PAPOLA: variants seen among roughly 807,000 people sequenced by gnomAD.
PAPOLA encodes the protein polynucleotide adenylyltransferase alpha.
A neutral mutation model predicts 100.6 loss-of-function variants in PAPOLA; 15 were observed. The observed-to-expected ratio is 0.15, with a 90% CI of 0.10 to 0.23. PAPOLA has a LOEUF of 0.23. Among genes scored for constraint, PAPOLA ranks in the 10% least tolerant of loss-of-function variants. The pLI is 1.00. For synonymous variants in PAPOLA, 293 were observed against 300.0 expected (o/e 0.98, Z 0.24); for missense variants, 533 against 884.2 (o/e 0.60, Z 5.04).
At chr14:96,504,986 AATTTAGGATATTAC>A (rs1896611411) in intron 1 of PAPOLA, among the ~76,000 whole-genome samples, 1 of 152,108 alleles carries the variant, frequency 6.6e-6, no homozygotes, top group African/African-American at 2.4e-5. Flanking sequence ...AAATTATCGA[AATTTAGGATATTAC>A]AGAACATTTT....
chr14:96,540,316 TTG>T (rs1899876368), intron 12 of PAPOLA, among the ~76,000 whole-genome samples: 1 of 152,178 alleles, frequency 6.6e-6, no homozygotes, highest in Non-Finnish European at 1.5e-5. Flanking sequence ...CCAGACAGCT[TTG>T]TGTTTTTGTG....
rs188029262 is a variant in PAPOLA, at chr14:96,565,936, G to A, written c.*886G>A. 4.9e-4 allele frequency: 197 copies of A among 398,420 alleles called. 3 individuals are homozygous for A. Among genetic ancestry groups the A allele is most frequent in the African/African-American group, 4.1e-5 (2 of 48,704 alleles). The allele number at this position is 398,420 out of a possible 1,614,324, so 24.7% of individuals were successfully genotyped here. A position where few individuals can be genotyped will look rare whatever the true frequency, so the allele number is the denominator to read the frequency against. The stretch of plus-strand genomic sequence containing the variant: ...TTACTTCGTAAGAAACAAAATGCCA[G>A]TATTTTCTTAAGCCATGATGTGAAA... On this transcript the variant is annotated 3_prime_UTR_variant, in exon 22 of 22. Coordinates refer to ENST00000216277, the MANE Select transcript of PAPOLA (RefSeq NM_032632.5).
At chr14:96,535,813 G>A in intron 10 of PAPOLA, 66 bp from the exon 11 acceptor site, 2 of 1,325,078 alleles carry the variant, frequency 1.5e-6, no homozygotes, top group Non-Finnish European at 2.0e-6. Flanking sequence ...TTTAACAAGG[G>A]GTAAAAAGCC....
intron 11 of PAPOLA, among the ~76,000 whole-genome samples, chr14:96,536,439 A>G (rs1899535018): frequency 6.6e-6 from 1 of 152,116 alleles, no homozygotes; most frequent in Non-Finnish European, 1.5e-5. Context: ...TTGAAGGTAT[A>G]GCTACTACCA....
chr14:96,503,585 G>C (rs892777710), intron 1 of PAPOLA, among the ~76,000 whole-genome samples: 1 of 151,398 alleles, frequency 6.6e-6, no homozygotes, highest in Non-Finnish European at 1.5e-5. Context: ...TTCCATTTTT[G>C]AATATTGAAG....
At chr14:96,533,254 T>C in intron 9 of PAPOLA, 7 of 984,478 alleles carry the variant, frequency 7.1e-6, no homozygotes, top group Non-Finnish European at 8.4e-6. Flanking sequence ...ACTGCCATTT[T>C]ATATTAATTG....
intron 1 of PAPOLA, among the ~76,000 whole-genome samples, chr14:96,508,679 T>C (rs1209333931): frequency 1.3e-5 from 2 of 152,222 alleles, no homozygotes; most frequent in Non-Finnish European, 2.9e-5. Context: ...TTTATAAAGC[T>C]AGCTTCTTTC....
chr14:96,542,710 A>C, intron 13 of PAPOLA, 64 bp from the exon 14 acceptor site: 1 of 1,478,168 alleles, frequency 6.8e-7, no homozygotes, highest in South Asian at 1.3e-5. Context: ...TGGTATGTGC[A>C]TTTTATTTAT....
In PAPOLA at chr14:96,527,998, G is replaced by C. The variant is rs201289414; in HGVS notation, c.487G>C (p.Gly163Arg). 1.3e-6 allele frequency: 2 copies of C among 1,598,484 alleles called. No homozygotes were observed. Among genetic ancestry groups the C allele is most frequent in the Non-Finnish European group, 1.7e-6 (2 of 1,166,134 alleles). ...FVPVIKLCFD[G>R]IEIDILFARL... ...ACCAGTTATTAAACTCTGTTTTGAT[G>C]GGATAGAGGTAAGGTATAGTTCAAA... Residue 163 changes from glycine (G) to arginine (R), a missense_variant, in exon 6 of 22, where the codon GGG (glycine) becomes CGG (arginine). Transcript: ENST00000216277.
intron 9 of PAPOLA, chr14:96,533,546 C>CA: frequency 4.7e-6 from 3 of 638,906 alleles, no homozygotes; most frequent in Non-Finnish European, 5.5e-6. Context: ...GTCAGAATTT[C>CA]TTTTTTTTTT....
intron 17 of PAPOLA, among the ~76,000 whole-genome samples, chr14:96,553,879 G>A (rs952579310): frequency 2.0e-4 from 30 of 152,196 alleles, no homozygotes; most frequent in African/African-American, 7.2e-4. Context: ...GTGTGAAATA[G>A]AAAATGCTGA....
chr14:96,531,428 T>G (rs780222437), intron 6 of PAPOLA, 47 bp from the exon 7 acceptor site: 1 of 1,426,488 alleles, frequency 7.0e-7, no homozygotes, highest in East Asian at 2.4e-5. Context: ...AGAAATGCCT[T>G]AAAAGTAGTT....
At chr14:96,525,966 A>G (rs570620591) in intron 4 of PAPOLA, 1 of 152,306 alleles carries the variant, frequency 6.6e-6, no homozygotes, top group Non-Finnish European at 1.5e-5. Flanking sequence ...AATAGAACAA[A>G]AATGAATTCT....
At chr14:96,548,339 T>C (rs909311926) in intron 16 of PAPOLA, among the ~76,000 whole-genome samples, 14 of 152,010 alleles carry the variant, frequency 9.2e-5, no homozygotes, top group African/African-American at 3.1e-4. Context: ...ATGTAAAAAA[T>C]ATAACGTATA....
chr14:96,523,135 AT>A (rs11305213), intron 3 of PAPOLA, among the ~76,000 whole-genome samples: 16,895 of 150,652 alleles, frequency 0.11, 1,014 homozygotes, highest in South Asian at 0.16. Context: ...AGAAAATAAG[AT>A]TTTTTTTTTG....
chr14:96,539,665 A>G (rs927611758), intron 12 of PAPOLA, among the ~76,000 whole-genome samples: 1 of 152,192 alleles, frequency 6.6e-6, no homozygotes, highest in Non-Finnish European at 1.5e-5. Flanking sequence ...GCACTTGCGC[A>G]TCATAAACAT....
chr14:96,525,220 C>G, intron 3 of PAPOLA, 90 bp from the exon 4 acceptor site: 1 of 678,236 alleles, frequency 1.5e-6, no homozygotes, highest in Non-Finnish European at 2.6e-6. Flanking sequence ...TGTAATCTTT[C>G]TTGGATCCAC....
intron 1 of PAPOLA, among the ~76,000 whole-genome samples, chr14:96,509,085 G>A (rs1041873062): frequency 2.6e-5 from 4 of 152,128 alleles, no homozygotes; most frequent in African/African-American, 7.2e-5. Flanking sequence ...AGGCTGGAAT[G>A]CAGTGGTGTG....
intron 16 of PAPOLA, among the ~76,000 whole-genome samples, chr14:96,549,738 T>C (rs1396539522): frequency 6.6e-6 from 1 of 152,220 alleles, no homozygotes; most frequent in Non-Finnish European, 1.5e-5. Context: ...GAGCTTAGCC[T>C]CAGGAAAACA....
Sources: allele counts gnomAD v4.1 joint callset (sites outside exome capture counted in the v4.1 genomes callset), GRCh38; gene constraint gnomAD v4.1.1; transcripts MANE v1.5; gene names NCBI Gene and HGNC (gene_info 2026-07-23, HGNC 2026-07-21).